RBM38: variants seen among roughly 807,000 people sequenced by gnomAD.
RBM38 encodes the protein RNA-binding protein 38.
A neutral mutation model predicts 23.5 loss-of-function variants in RBM38; 11 were observed. That is an observed-to-expected ratio of 0.47 (90% confidence interval 0.29 to 0.77). RBM38 has a LOEUF of 0.77. Ranked by LOEUF, RBM38 falls within the 30% of genes least tolerant of loss-of-function variation. The pLI is 0.08. For missense variants in RBM38, 330 were observed against 351.9 expected (o/e 0.94, Z 0.50); for synonymous variants, 165 against 166.1 (o/e 0.99, Z 0.05).
At chr20:57,402,730 C>T (rs533595258) in intron 3 of RBM38, among the ~76,000 whole-genome samples, 14 of 152,376 alleles carry the variant, frequency 9.2e-5, no homozygotes, top group Non-Finnish European at 1.6e-4. Flanking sequence ...GGGGCGGGGC[C>T]GCCCTTGGAC....
rs1351250168 is a variant in RBM38, at chr20:57,409,034, G to C, written c.*1188G>C. ...TGCCAGCCTGAGACGGTTCCTGCCT[G>C]TCTTGGGGGTTGGTGGAGGGTGGAG... is the stretch of plus-strand genomic sequence containing the variant. On this transcript the variant is annotated 3_prime_UTR_variant, in exon 4 of 4. Transcript: ENST00000356208. 6.5e-6 allele frequency: 1 copy of C among 152,888 alleles called. No homozygotes were observed. Among genetic ancestry groups the C allele is most frequent in the Admixed American group, 6.5e-5 (1 of 15,282 alleles). The allele number at this position is 152,888 out of a possible 1,614,324, so 9.5% of individuals were successfully genotyped here. A position where few individuals can be genotyped will look rare whatever the true frequency, so the allele number is the denominator to read the frequency against.
rs1052940883 is a variant in RBM38 at position 57,408,443 on chromosome 20, A to G, written c.*597A>G. 6.5e-6 allele frequency: 1 copy of G among 153,744 alleles called. No individual in the cohort carries two copies. Among genetic ancestry groups the G allele is most frequent in the Non-Finnish European group, 1.4e-5 (1 of 69,090 alleles). 9.5% of individuals were successfully genotyped at this position (153,744 alleles called of 1,614,324 possible). A position where few individuals can be genotyped will look rare whatever the true frequency, so the allele number is the denominator to read the frequency against. ...CAGGCGCACAGGGGCCGCCGGTAAC[A>G]GGGGCCGCCGGCCAAAGGCCCCTTT... On this transcript the variant is annotated 3_prime_UTR_variant, in exon 4 of 4. Coordinates refer to ENST00000356208, the MANE Select transcript of RBM38 (RefSeq NM_017495.6).
Position 57,402,572 on chromosome 20 carries a change from C to T in RBM38, c.417-4971C>T, listed in dbSNP as rs187671544. 5.0e-4 allele frequency among the ~76,000 whole-genome samples: 76 copies of T among 152,320 alleles called. 2 individuals carry two copies. The East Asian group carries it at 0.014, about 28-fold the overall frequency. On this transcript the variant is annotated intron_variant, in intron 3 of 3. Transcript: ENST00000356208. Reference sequence around the variant, plus strand: ...GGGACACACTTGGTGGGTGGGGCGGCGTGCAGCTACCAGGCTGTGCCCTTG... The same window carrying T: ...GGGACACACTTGGTGGGTGGGGCGGTGTGCAGCTACCAGGCTGTGCCCTTG...
intron 3 of RBM38, among the ~76,000 whole-genome samples, chr20:57,394,848 T>C (rs935623847): frequency 7.2e-5 from 11 of 152,250 alleles, no homozygotes; most frequent in Admixed American, 6.5e-5. Flanking sequence ...TGAGGGTGTG[T>C]GCCTCCAGTG....
intron 2 of RBM38, 76 bp downstream of exon 2, chr20:57,392,853 GC>G (rs947858647): frequency 8.9e-5 from 139 of 1,557,352 alleles, no homozygotes; most frequent in Non-Finnish European, 1.1e-4. Flanking sequence ...GTGGAAAGAG[GC>G]CCCCCCTCCT....
chr20:57,405,109 G>GC (rs1438178869), intron 3 of RBM38, among the ~76,000 whole-genome samples: 1 of 152,180 alleles, frequency 6.6e-6, no homozygotes, highest in African/African-American at 2.4e-5. Context: ...GTCTCTGCAG[G>GC]CATCCCCTCC....
chr20:57,407,386 G>A lies in RBM38; in HGVS notation c.417-157G>A, dbSNP rs942543041. On this transcript the variant is annotated intron_variant, in intron 3 of 3. Transcript: ENST00000356208. This position sits in a 1 kb window ranked among gnomAD's most constrained non-coding sequence, Gnocchi z 4.0. Reference sequence around the variant, plus strand: ...ACAGTCAGTGCGAAGGCCTTGAGGCGGCAGCATCTGGCCAGGTGCTGTTTC... The same window carrying A: ...ACAGTCAGTGCGAAGGCCTTGAGGCAGCAGCATCTGGCCAGGTGCTGTTTC... 7.2e-5 allele frequency among the ~76,000 whole-genome samples: 11 copies of A among 152,126 alleles called. No homozygotes were observed. Among genetic ancestry groups the A allele is most frequent in the African/African-American group, 1.4e-4 (6 of 41,414 alleles).
chr20:57,395,721 G>C (rs1464141141), intron 3 of RBM38, among the ~76,000 whole-genome samples: 1 of 152,206 alleles, frequency 6.6e-6, no homozygotes, highest in Non-Finnish European at 1.5e-5. Context: ...CAGGCTGCCT[G>C]GGTCAGCTGT....
In RBM38 at chr20:57,391,860, C is replaced by T. The variant is rs1297455969; in HGVS notation, c.237+42C>T. 4 of 1,380,112 alleles carry T rather than the reference C, an allele frequency of 2.9e-6. No homozygotes were observed. In the South Asian group the frequency reaches 4.2e-5, roughly 15 times the overall value. 85.5% of individuals were successfully genotyped at this position (1,380,112 alleles called of 1,614,324 possible). ...CCCGGGCCCGCACCCCGCCGCACAC[C>T]TTATCGCGGCCCGGGCGCCGAGTCC... On this transcript the variant is annotated intron_variant, in intron 1 of 3. Coordinates refer to ENST00000356208, the MANE Select transcript of RBM38 (RefSeq NM_017495.6).
chr20:57,403,350 G>GA (rs1268357624), intron 3 of RBM38, among the ~76,000 whole-genome samples: 1 of 152,226 alleles, frequency 6.6e-6, no homozygotes, highest in Non-Finnish European at 1.5e-5. Context: ...GAAGCTGCTG[G>GA]AACCCAGCTC....
At chr20:57,399,816 C>T (rs543732314) in intron 3 of RBM38, 3 of 449,626 alleles carry the variant, frequency 6.7e-6, no homozygotes, top group East Asian at 7.0e-5. Context: ...CCCAGCCAGG[C>T]GGGAGTCAGA....
At position 57,399,028 on chromosome 20, in the gene RBM38, G is replaced by A. The variant is rs1385749254; in HGVS notation, c.416+5695G>A. ...GGGGATGCCTGCCATGGGGGTGAGG[G>A]GAGACCCGGTCCCAGCTCCTAATCA... On this transcript the variant is annotated intron_variant, in intron 3 of 3. Coordinates refer to ENST00000356208, the MANE Select transcript of RBM38 (RefSeq NM_017495.6). Among the ~76,000 whole-genome samples, 8 of 152,308 alleles carry A rather than the reference G, an allele frequency of 5.3e-5. No individual in the cohort carries two copies. The East Asian group carries it at 1.5e-3, about 29-fold the overall frequency.
At chr20:57,404,246 G>A (rs2067358943) in intron 3 of RBM38, among the ~76,000 whole-genome samples, 1 of 152,240 alleles carries the variant, frequency 6.6e-6, no homozygotes, top group South Asian at 2.1e-4. Context: ...CTGGGCAGCG[G>A]TTCTTGAATG....
chr20:57,392,643 T>C lies in RBM38; in HGVS notation c.238-11T>C, dbSNP rs1403765940. ...CCCACGGCAGCCCCTGATGTGTCTC[T>C]GCTCCACCAGGTGACCATGGCCGAC... On this transcript the variant is annotated splice_polypyrimidine_tract_variant and intron_variant, in intron 1 of 3. Coordinates refer to ENST00000356208, the MANE Select transcript of RBM38 (RefSeq NM_017495.6). The C allele has an allele frequency of 1.2e-6, 2 of 1,609,698 alleles. No homozygotes were observed. The highest frequency in any genetic ancestry group is 1.7e-6 in the Non-Finnish European group (2 of 1,178,640).
At chr20:57,392,533 C>T (rs1182605469) in intron 1 of RBM38, 121 bp from the exon 2 acceptor site, 1 of 1,517,778 alleles carries the variant, frequency 6.6e-7, no homozygotes, top group African/African-American at 1.4e-5. Context: ...CCCTGGGTCA[C>T]AGGCACCCTC....
rs372268786 is a variant in RBM38, at chr20:57,393,222, C to A, written c.362-57C>A. ...TGGGATTCTGCCACCCTGTGTGCAG[C>A]CCTTGAGACGTGGCTCGTGCAGCAA... On this transcript the variant is annotated intron_variant, in intron 2 of 3. Coordinates refer to ENST00000356208, the MANE Select transcript of RBM38 (RefSeq NM_017495.6). 4.4e-5 allele frequency: 67 copies of A among 1,533,294 alleles called. No homozygotes were observed. The African/African-American group carries it at 8.5e-4, about 19-fold the overall frequency. The allele number at this position is 1,533,294 out of a possible 1,614,324, so 95.0% of individuals were successfully genotyped here.
At position 57,407,855 on chromosome 20, in the gene RBM38, C is replaced by T. The variant is rs1361982392; in HGVS notation, c.*9C>T. 4 of 1,548,152 alleles carry T rather than the reference C, an allele frequency of 2.6e-6. No homozygotes were observed. The highest frequency in any genetic ancestry group is 3.5e-6 in the Non-Finnish European group (4 of 1,151,226). On this transcript the variant is annotated 3_prime_UTR_variant, in exon 4 of 4. Coordinates refer to ENST00000356208, the MANE Select transcript of RBM38 (RefSeq NM_017495.6). The surrounding 1 kb of genome is among the most constrained non-coding windows in gnomAD (Gnocchi z 4.0). ...CTGACAGGATGCAGTGAGGGGCGTT[C>T]CTGCCCCGAGGACTGTGGCATTGTC...
In RBM38 at chr20:57,405,858, A is replaced by C. The variant is rs570840718; in HGVS notation, c.417-1685A>C. The stretch of plus-strand genomic sequence containing the variant: ...ACACTGAGGGTCCCTGGCTCTGGGG[A>C]GGGAGCACTGTGTTTTCAGTGCCCA... On this transcript the variant is annotated intron_variant, in intron 3 of 3. Transcript: ENST00000356208. Among the ~76,000 whole-genome samples the C allele has an allele frequency of 3.9e-5, 6 of 152,234 alleles. No homozygotes were observed. In the East Asian group the frequency reaches 1.2e-3, roughly 30 times the overall value.
At chr20:57,406,810 G>A (rs368158564) in intron 3 of RBM38, among the ~76,000 whole-genome samples, 16 of 152,014 alleles carry the variant, frequency 1.1e-4, no homozygotes, top group African/African-American at 2.7e-4. Context: ...TGGCTAACAC[G>A]GTGAAACCTC....
Sources: allele counts gnomAD v4.1 joint callset (sites outside exome capture counted in the v4.1 genomes callset), GRCh38; gene constraint gnomAD v4.1.1; non-coding constraint Gnocchi (gnomAD v3.1); transcripts MANE v1.5; gene names NCBI Gene and HGNC (gene_info 2026-07-23, HGNC 2026-07-21).